CCDC180: variants seen among roughly 807,000 people sequenced by gnomAD.
CCDC180 encodes coiled-coil domain containing 180, also known as coiled-coil domain-containing protein 180.
CCDC180 carries 154 observed loss-of-function variants against 209.2 expected under a neutral mutation model. That is an observed-to-expected ratio of 0.74 (90% CI 0.65 to 0.84). The LOEUF (loss-of-function observed/expected upper bound fraction) is 0.84, where lower values mean the gene tolerates loss of function less well. Among genes scored for constraint, CCDC180 ranks in the 40% least tolerant of loss-of-function variants. CCDC180 has a pLI of 0.00. For missense variants in CCDC180, 1,874 were observed against 1,997.3 expected, an observed-to-expected ratio of 0.94 and a Z score of 1.18; for synonymous variants, 778 against 749.1, an observed-to-expected ratio of 1.04 and a Z score of -0.63.
chr9:97,354,164 A>T (rs1169220107), intron 22 of CCDC180, among the ~76,000 whole-genome samples: 1 of 151,440 alleles, frequency 6.6e-6, no homozygotes, highest in African/African-American at 2.4e-5. Context: ...CACCTGGCTA[A>T]TTTTTTTTAC....
Position 97,326,590 on chromosome 9 carries a change from C to T in CCDC180, c.1582C>T (p.Leu528=). ...CCACCTCGATAGGCTCTTGGACCAA[C>T]TGAGGCAGCAAAGTGACAAAGAAAC... ...EAHLDRLLDQ[L]RQQSDKETLA... is the part of the protein sequence containing the mutation. Residue 528 remains leucine (L), a synonymous_variant, in exon 15 of 37, where the codon CTG becomes TTG. Coordinates refer to ENST00000529487, the MANE Select transcript of CCDC180 (RefSeq NM_020893.6). 1.2e-6 allele frequency: 2 copies of T among 1,613,834 alleles called. No homozygotes were observed. The highest frequency in any genetic ancestry group is 1.7e-6 in the Non-Finnish European group (2 of 1,179,776).
Position 97,365,641 on chromosome 9 carries a change from C to G in CCDC180, c.3981-32C>G, listed in dbSNP as rs761283495. ...TCCATGTTTGTGTGTCTAGACCAGGCCCCTCAGGGATCTGTCTCGTGTGTG... is the reference window on the plus strand; with the variant it reads ...TCCATGTTTGTGTGTCTAGACCAGGGCCCTCAGGGATCTGTCTCGTGTGTG... On this transcript the variant is annotated intron_variant, in intron 29 of 36. Transcript: ENST00000529487. 5 of 1,595,302 alleles carry G rather than the reference C, an allele frequency of 3.1e-6. No homozygotes were observed. In the Admixed American group the frequency reaches 8.3e-5, roughly 27 times the overall value.
chr9:97,377,282 G>C lies in CCDC180; in HGVS notation c.*388G>C, dbSNP rs559369082. The C allele has an allele frequency of 6.2e-6, 1 of 162,210 alleles. No homozygotes were observed. Among genetic ancestry groups the C allele is most frequent in the African/African-American group, 2.4e-5 (1 of 41,806 alleles). 10.0% of individuals were successfully genotyped at this position (162,210 alleles called of 1,614,324 possible). A position where few individuals can be genotyped will look rare whatever the true frequency, so the allele number is the denominator to read the frequency against. On this transcript the variant is annotated 3_prime_UTR_variant, in exon 37 of 37. Coordinates refer to ENST00000529487, the MANE Select transcript of CCDC180 (RefSeq NM_020893.6). ...TAATTTAACAGAATAAACAAGTATG[G>C]GTTATAATTGCAACTCTGCACTGGT...
intron 22 of CCDC180, 33 bp from the exon 23 acceptor site, chr9:97,354,536 C>T (rs1183367223): frequency 4.3e-6 from 7 of 1,611,964 alleles, no homozygotes; most frequent in Non-Finnish European, 5.9e-6. Context: ...TAGGTCTGAT[C>T]TGTGGCTTTT....
At chr9:97,341,847 C>T (rs1025447754) in intron 18 of CCDC180, among the ~76,000 whole-genome samples, 2 of 152,206 alleles carry the variant, frequency 1.3e-5, no homozygotes, top group African/African-American at 4.8e-5. Flanking sequence ...CCAGTTCAAG[C>T]TTCCTGGCCG....
At chr9:97,357,108 G>T (rs979029094) in intron 24 of CCDC180, among the ~76,000 whole-genome samples, 1 of 152,252 alleles carries the variant, frequency 6.6e-6, no homozygotes, top group Non-Finnish European at 1.5e-5. Context: ...TGTGAGAGGT[G>T]CACTTGCCAG....
intron 25 of CCDC180, chr9:97,358,117 C>CTTTTTTTTTT (rs71487322): frequency 8.9e-6 from 1 of 112,230 alleles, no homozygotes; most frequent in African/African-American, 3.2e-5. Context: ...TTTCCACTTG[C>CTTTTTTTTTT]TTTTTTTTTT....
chr9:97,323,298 T>C (rs1833416448), intron 12 of CCDC180, among the ~76,000 whole-genome samples: 1 of 152,114 alleles, frequency 6.6e-6, no homozygotes, highest in South Asian at 2.1e-4. Flanking sequence ...GCACTGGGCG[T>C]TGTTTATGAA....
chr9:97,375,816 A>C, intron 36 of CCDC180: 1 of 566,176 alleles, frequency 1.8e-6, no homozygotes, highest in Non-Finnish European at 3.1e-6. Flanking sequence ...GTGGGAGCCC[A>C]GCTGAGGGAC....
At chr9:97,370,111 T>C (rs1257758265) in intron 32 of CCDC180, 29 bp downstream of exon 32, 1 of 1,604,642 alleles carries the variant, frequency 6.2e-7, no homozygotes, top group Non-Finnish European at 8.5e-7. Flanking sequence ...GCCCTTCCAC[T>C]CTAGGACCAG....
At chr9:97,358,658 G>A (rs1344126748) in intron 25 of CCDC180, among the ~76,000 whole-genome samples, 1 of 152,064 alleles carries the variant, frequency 6.6e-6, no homozygotes, top group Non-Finnish European at 1.5e-5. Context: ...TTCTCTTCCT[G>A]GATCTACGGG....
At chr9:97,370,527 C>A in intron 32 of CCDC180, 114 bp from the exon 33 acceptor site, 3 of 1,236,590 alleles carry the variant, frequency 2.4e-6, no homozygotes, top group Non-Finnish European at 3.4e-6. Context: ...ATCACCCCCA[C>A]ACACCCAGGT....
chr9:97,327,104 G>A (rs1252831810), intron 15 of CCDC180, among the ~76,000 whole-genome samples: 1 of 152,134 alleles, frequency 6.6e-6, no homozygotes, highest in African/African-American at 2.4e-5. Context: ...AGGAGACGGA[G>A]GTTGCAGTGA....
In CCDC180 at chr9:97,354,476, T is replaced by C. The variant is rs560912529; in HGVS notation, c.3003-93T>C. The C allele has an allele frequency of 1.3e-5, 17 of 1,285,334 alleles. No homozygotes were observed. In the East Asian group the frequency reaches 2.6e-4, roughly 19 times the overall value. The allele number at this position is 1,285,334 out of a possible 1,614,324, so 79.6% of individuals were successfully genotyped here. A position where few individuals can be genotyped will look rare whatever the true frequency, so the allele number is the denominator to read the frequency against. Reference sequence around the variant, plus strand: ...ACATCTTGAACTCTAACCGGAAGCCTAGATTAAAAGTGTGTGTCAGCCACA... The same window carrying C: ...ACATCTTGAACTCTAACCGGAAGCCCAGATTAAAAGTGTGTGTCAGCCACA... On this transcript the variant is annotated intron_variant, in intron 22 of 36. Coordinates refer to ENST00000529487, the MANE Select transcript of CCDC180 (RefSeq NM_020893.6).
At chr9:97,349,325 G>GATTCC in intron 21 of CCDC180, 34 bp downstream of exon 21, 1 of 1,520,538 alleles carries the variant, frequency 6.6e-7, no homozygotes. Context: ...CCCCAGCCAT[G>GATTCC]TGGCTCTGGA....
At chr9:97,355,775 C>A (rs895180760) in intron 24 of CCDC180, among the ~76,000 whole-genome samples, 1 of 152,144 alleles carries the variant, frequency 6.6e-6, no homozygotes, top group Non-Finnish European at 1.5e-5. Flanking sequence ...GAGGACTTAA[C>A]CTGGGCTAAG....
intron 29 of CCDC180, 100 bp downstream of exon 29, chr9:97,364,228 A>C (rs1459677738): frequency 2.6e-6 from 3 of 1,137,388 alleles, no homozygotes; most frequent in Non-Finnish European, 3.9e-6. Context: ...GAAAGGGGAA[A>C]GGCAGGTCCA....
Position 97,329,955 on chromosome 9 carries a change from C to A in CCDC180, c.1789-199C>A, listed in dbSNP as rs529425889. Reference sequence around the variant, plus strand: ...TGGTGGCTGGCGCCTATAGTCCCAGCTACTCGGGAGGCTGAGGCGGGAGAA... The same window carrying A: ...TGGTGGCTGGCGCCTATAGTCCCAGATACTCGGGAGGCTGAGGCGGGAGAA... On this transcript the variant is annotated intron_variant, in intron 16 of 36. Coordinates refer to ENST00000529487, the MANE Select transcript of CCDC180 (RefSeq NM_020893.6). 2.0e-5 allele frequency among the ~76,000 whole-genome samples: 3 copies of A among 151,586 alleles called. No individual in the cohort carries two copies. In the East Asian group the frequency reaches 5.9e-4, roughly 30 times the overall value.
intron 18 of CCDC180, among the ~76,000 whole-genome samples, chr9:97,335,320 C>T (rs1825868455): frequency 6.6e-6 from 1 of 152,012 alleles, no homozygotes; most frequent in Admixed American, 6.6e-5. Flanking sequence ...TAATGCTATC[C>T]CTCCCCCATT....
Sources: allele counts gnomAD v4.1 joint callset (sites outside exome capture counted in the v4.1 genomes callset), GRCh38; gene constraint gnomAD v4.1.1; transcripts MANE v1.5; gene names NCBI Gene and HGNC (gene_info 2026-07-23, HGNC 2026-07-21).